Variants in TAS2R1 observed in about 807,000 individuals in gnomAD.
TAS2R1 encodes the protein taste receptor type 2 member 1.
For synonymous variants in TAS2R1, 141 were observed against 134.2 expected, an observed-to-expected ratio of 1.05 and a Z score of -0.35; for missense variants, 370 against 353.4, an observed-to-expected ratio of 1.05 and a Z score of -0.38.
the TAS2R1 span, among the ~76,000 whole-genome samples, chr5:9,839,080 T>C: frequency 3.9e-5 from 6 of 152,342 alleles, no homozygotes; most frequent in Non-Finnish European, 7.3e-5. Flanking sequence ...AGGTCTCTGT[T>C]ATCACCACAG....
chr5:9,701,800 A>G (rs1429880621), intron 1 of TAS2R1, among the ~76,000 whole-genome samples: 2 of 152,218 alleles, frequency 1.3e-5, no homozygotes, highest in African/African-American at 2.4e-5. Flanking sequence ...ACACACCAAA[A>G]TTATAGTTCC....
the TAS2R1 span, among the ~76,000 whole-genome samples, chr5:9,752,959 T>C: frequency 1.3e-5 from 2 of 152,252 alleles, no homozygotes; most frequent in Non-Finnish European, 2.9e-5. Context: ...TGTTGGACAT[T>C]TGGCTTGGTT....
the TAS2R1 span, among the ~76,000 whole-genome samples, chr5:9,828,978 C>A: frequency 2.6e-5 from 4 of 152,140 alleles, no homozygotes; most frequent in Admixed American, 2.6e-4. Flanking sequence ...TCTGTAGGAA[C>A]ACTGATTGTG....
the TAS2R1 span, among the ~76,000 whole-genome samples, chr5:9,826,570 T>A: frequency 6.6e-6 from 1 of 152,228 alleles, no homozygotes. Flanking sequence ...CTGAAATACA[T>A]TAATTAGTAA....
chr5:9,676,247 T>C (rs922936200), intron 1 of TAS2R1, among the ~76,000 whole-genome samples: 2 of 152,208 alleles, frequency 1.3e-5, no homozygotes, highest in African/African-American at 4.8e-5. Flanking sequence ...GAATTCAGTT[T>C]GCTGGTATTT....
chr5:9,770,335 G>A, the TAS2R1 span, among the ~76,000 whole-genome samples: 1 of 152,122 alleles, frequency 6.6e-6, no homozygotes, highest in East Asian at 1.9e-4. Context: ...TTGAAATCAA[G>A]TGAAGTAATT....
At chr5:9,807,361 A>G in the TAS2R1 span, among the ~76,000 whole-genome samples, 1 of 152,274 alleles carries the variant, frequency 6.6e-6, no homozygotes, top group South Asian at 2.1e-4. Flanking sequence ...AAAGAACGAA[A>G]AGTATATCTA....
At chr5:9,692,768 A>G (rs781076937) in intron 1 of TAS2R1, among the ~76,000 whole-genome samples, 3 of 152,170 alleles carry the variant, frequency 2.0e-5, no homozygotes, top group Non-Finnish European at 4.4e-5. Flanking sequence ...ACTCAGCATG[A>G]TATCCTTTAT....
the TAS2R1 span, among the ~76,000 whole-genome samples, chr5:9,838,736 G>T: frequency 6.6e-6 from 1 of 152,100 alleles, no homozygotes; most frequent in African/African-American, 2.4e-5. Context: ...ATGGATTCTT[G>T]GATATACATT....
At position 9,697,330 on chromosome 5, in the gene TAS2R1, T is replaced by G. The variant is rs532839973; in HGVS notation, c.-242+14842A>C. The stretch of plus-strand genomic sequence containing the variant: ...ATCTAGGCTTTAGAGGTAGATCATT[T>G]TATAGATGAGTTCTTTGAACCTCCA... On this transcript the variant is annotated intron_variant, in intron 1 of 2. Transcript: ENST00000506620. Among the ~76,000 whole-genome samples the G allele has an allele frequency of 2.0e-5, 3 of 152,236 alleles. No individual in the cohort carries two copies. The South Asian group carries it at 6.2e-4, about 32-fold the overall frequency.
At chr5:9,867,343 G>T in the TAS2R1 span, among the ~76,000 whole-genome samples, 2 of 152,188 alleles carry the variant, frequency 1.3e-5, no homozygotes, top group Admixed American at 1.3e-4. Context: ...AAGGAAAGAG[G>T]TTTAATTGAC....
chr5:9,704,363 GAA>G (rs5865850), intron 1 of TAS2R1, among the ~76,000 whole-genome samples: 28,411 of 148,020 alleles, frequency 0.19, 3,220 homozygotes, highest in Admixed American at 0.32. Context: ...GCTCCACTGA[GAA>G]AAAAAAAAAA....
chr5:9,708,610 C>A (rs1049967147), intron 1 of TAS2R1, among the ~76,000 whole-genome samples: 1 of 145,884 alleles, frequency 6.9e-6, no homozygotes, highest in African/African-American at 2.6e-5. Context: ...TTTTTTTTTT[C>A]TTTTCAGTCC....
chr5:9,666,717 A>C (rs908066893), intron 1 of TAS2R1, among the ~76,000 whole-genome samples: 1 of 152,208 alleles, frequency 6.6e-6, no homozygotes, highest in African/African-American at 2.4e-5. Flanking sequence ...AGAAGAAAAC[A>C]GAAAGCAAGA....
chr5:9,854,945 A>G, the TAS2R1 span, among the ~76,000 whole-genome samples: 1 of 152,324 alleles, frequency 6.6e-6, no homozygotes, highest in African/African-American at 2.4e-5. Context: ...TTCTGCTAGT[A>G]CAACTCTGAA....
chr5:9,754,252 G>A, the TAS2R1 span, among the ~76,000 whole-genome samples: 25 of 152,120 alleles, frequency 1.6e-4, no homozygotes, highest in African/African-American at 2.4e-4. Flanking sequence ...TTGATGGGAC[G>A]TATCTCAAAA....
At chr5:9,863,796 A>G in the TAS2R1 span, among the ~76,000 whole-genome samples, 6 of 152,216 alleles carry the variant, frequency 3.9e-5, no homozygotes, top group Non-Finnish European at 8.8e-5. Flanking sequence ...TCATTTGGAT[A>G]GTGGTGTTGG....
chr5:9,827,584 G>A, the TAS2R1 span, among the ~76,000 whole-genome samples: 3 of 122,784 alleles, frequency 2.4e-5, no homozygotes, highest in Non-Finnish European at 4.7e-5. Flanking sequence ...ACACACACCC[G>A]GGTGTGGTGG....
the TAS2R1 span, among the ~76,000 whole-genome samples, chr5:9,858,737 G>A: frequency 6.6e-6 from 1 of 152,208 alleles, no homozygotes; most frequent in Non-Finnish European, 1.5e-5. Flanking sequence ...CTGTTTCTTA[G>A]ACTGAATGGT....
Sources: allele counts gnomAD v4.1 joint callset (sites outside exome capture counted in the v4.1 genomes callset), GRCh38; gene constraint gnomAD v4.1.1; transcripts MANE v1.5; gene names NCBI Gene and HGNC (gene_info 2026-07-23, HGNC 2026-07-21).